Variants in SLC25A31 observed in about 807,000 individuals in gnomAD.
SLC25A31 encodes ADP/ATP translocase 4.
In SLC25A31, 40 loss-of-function variants were observed where a neutral mutation model predicts 36.2. The observed-to-expected ratio is 1.10, with a 90% CI of 0.86 to 1.44. The LOEUF (loss-of-function observed/expected upper bound fraction) is 1.44. Among genes scored for constraint, SLC25A31 ranks in the 40% most tolerant of loss-of-function variants. The pLI is 0.00. For missense variants in SLC25A31, 350 were observed against 397.1 expected (o/e 0.88, Z 1.01); for synonymous variants, 143 against 149.7 (o/e 0.96, Z 0.32).
Position 127,767,055 on chromosome 4 carries a change from C to T in SLC25A31, c.479-11C>T. ...AATGTTGCTAATAGATTTTAAATGG[C>T]TTTATTTTAGGTCCTGAGGAGCGAC... On this transcript the variant is annotated splice_polypyrimidine_tract_variant and intron_variant, in intron 3 of 5. Transcript: ENST00000281154. 1 of 1,600,052 alleles carries T rather than the reference C, an allele frequency of 6.2e-7. No homozygotes were observed. The highest frequency in any genetic ancestry group is 8.5e-7 in the Non-Finnish European group (1 of 1,174,310).
chr4:127,754,565 T>A (rs550958490), intron 2 of SLC25A31, among the ~76,000 whole-genome samples: 79 of 148,364 alleles, frequency 5.3e-4, no homozygotes, highest in Admixed American at 9.3e-4. Context: ...AAATGCTTAG[T>A]AAATTTAACC....
chr4:127,756,127 T>C (rs1348935443), intron 2 of SLC25A31, among the ~76,000 whole-genome samples: 1 of 152,182 alleles, frequency 6.6e-6, no homozygotes, highest in African/African-American at 2.4e-5. Context: ...TGAAGAGATA[T>C]CTGCACAATC....
At chr4:127,747,375 T>C (rs1434165352) in intron 2 of SLC25A31, among the ~76,000 whole-genome samples, 3 of 152,206 alleles carry the variant, frequency 2.0e-5, no homozygotes, top group South Asian at 4.1e-4. Flanking sequence ...TTTAATGATA[T>C]TAATTATTCC....
chr4:127,744,531 A>G, intron 1 of SLC25A31, 141 bp from the exon 2 acceptor site: 1 of 672,968 alleles, frequency 1.5e-6, no homozygotes, highest in East Asian at 3.1e-5. Flanking sequence ...TTTTCAATGG[A>G]GACACACATT....
chr4:127,740,991 C>T (rs890822952), intron 1 of SLC25A31, among the ~76,000 whole-genome samples: 1 of 152,082 alleles, frequency 6.6e-6, no homozygotes, highest in African/African-American at 2.4e-5. Flanking sequence ...TAAATTTATT[C>T]CTAATGTTTC....
At chr4:127,765,709 T>C (rs1732228180) in intron 3 of SLC25A31, among the ~76,000 whole-genome samples, 3 of 152,094 alleles carry the variant, frequency 2.0e-5, no homozygotes, top group Admixed American at 1.3e-4. Flanking sequence ...AAATATATTG[T>C]CACTTAATGA....
Position 127,773,620 on chromosome 4 carries a change from T to C in SLC25A31, c.*46T>C. On this transcript the variant is annotated 3_prime_UTR_variant, in exon 6 of 6. Transcript: ENST00000281154. ...ATACATGGATTTAACTTGTTAAACA[T>C]ACAAATTACATAGCTGCCATTTGCA... 7.1e-7 allele frequency: 1 copy of C among 1,416,968 alleles called. No individual in the cohort carries two copies. The highest frequency in any genetic ancestry group is 9.4e-7 in the Non-Finnish European group (1 of 1,058,942). 87.8% of individuals were successfully genotyped at this position (1,416,968 alleles called of 1,614,324 possible).
chr4:127,757,326 C>T (rs891927010), intron 2 of SLC25A31, among the ~76,000 whole-genome samples: 3 of 152,108 alleles, frequency 2.0e-5, no homozygotes, highest in Non-Finnish European at 4.4e-5. Flanking sequence ...CTATTGTTTC[C>T]ACCTTTATGT....
At chr4:127,738,343 C>T (rs1055287908) in intron 1 of SLC25A31, among the ~76,000 whole-genome samples, 3 of 152,200 alleles carry the variant, frequency 2.0e-5, no homozygotes, top group Admixed American at 1.3e-4. Context: ...CTGGCTCAGC[C>T]TCCCAAAGTG....
chr4:127,753,586 AT>A (rs1731976258), intron 2 of SLC25A31, among the ~76,000 whole-genome samples: 1 of 152,188 alleles, frequency 6.6e-6, no homozygotes, highest in Non-Finnish European at 1.5e-5. Flanking sequence ...CCTGGAAGAA[AT>A]GGATAAATTC....
At chr4:127,766,975 C>G in intron 3 of SLC25A31, 91 bp from the exon 4 acceptor site, 2 of 1,120,276 alleles carry the variant, frequency 1.8e-6, no homozygotes, top group Non-Finnish European at 2.4e-6. Context: ...GTGGGAATTT[C>G]AGATCATTTA....
chr4:127,756,337 C>T (rs1229083975), intron 2 of SLC25A31, among the ~76,000 whole-genome samples: 1 of 152,182 alleles, frequency 6.6e-6, no homozygotes, highest in Non-Finnish European at 1.5e-5. Flanking sequence ...AAGACAAATA[C>T]TGCTACTGAC....
At position 127,730,787 on chromosome 4, in the gene SLC25A31, G is replaced by A. The variant is rs781081242; in HGVS notation, c.232+10G>A. Reference sequence around the variant, plus strand: ...ATTCCTCGCGAGCAGGGTGCGTCAAGGCAGGCCGCCCCGACAGCCTCTCCC... The same window carrying A: ...ATTCCTCGCGAGCAGGGTGCGTCAAAGCAGGCCGCCCCGACAGCCTCTCCC... On this transcript the variant is annotated intron_variant, in intron 1 of 5. Transcript: ENST00000281154. 5 of 1,598,212 alleles carry A rather than the reference G, an allele frequency of 3.1e-6. No individual in the cohort carries two copies. In the Admixed American group the frequency reaches 8.4e-5, roughly 27 times the overall value.
Position 127,730,656 on chromosome 4 carries a change from G to T in SLC25A31, c.111G>T (p.Ala37=), listed in dbSNP as rs755398918. The change falls in exon 1 of 6, where the codon GCG becomes GCT. Residue 37 remains alanine (A), a synonymous_variant. Coordinates refer to ENST00000281154, the MANE Select transcript of SLC25A31 (RefSeq NM_031291.4). The stretch of plus-strand genomic sequence containing the variant: ...TCGCGGCAGCTGTGTCCAAGACAGC[G>T]GTGGCGCCCATCGAGCGGGTGAAGC... ...GGVAAAVSKT[A]VAPIERVKLL... is the part of the protein sequence containing the mutation. 2.5e-6 allele frequency: 4 copies of T among 1,613,906 alleles called. No individual in the cohort carries two copies. Among genetic ancestry groups the T allele is most frequent in the Non-Finnish European group, 1.7e-6 (2 of 1,179,952 alleles).
At chr4:127,764,589 T>C (rs866169001) in intron 3 of SLC25A31, among the ~76,000 whole-genome samples, 1 of 152,170 alleles carries the variant, frequency 6.6e-6, no homozygotes, top group Non-Finnish European at 1.5e-5. Context: ...TAAAAATTGC[T>C]TATAACTTAG....
chr4:127,749,582 A>G (rs920858904), intron 2 of SLC25A31, among the ~76,000 whole-genome samples: 6 of 151,992 alleles, frequency 3.9e-5, no homozygotes, highest in African/African-American at 1.5e-4. Context: ...TATCTCTACT[A>G]AAAATACAAA....
intron 1 of SLC25A31, among the ~76,000 whole-genome samples, chr4:127,736,375 G>GA (rs1229312605): frequency 1.3e-5 from 2 of 152,080 alleles, no homozygotes; most frequent in Non-Finnish European, 2.9e-5. Context: ...TTTTAATGGA[G>GA]AAAGAGGTCA....
chr4:127,730,937 A>G (rs542170982), intron 1 of SLC25A31, among the ~76,000 whole-genome samples, 160 bp downstream of exon 1: 1 of 152,170 alleles, frequency 6.6e-6, no homozygotes. Context: ...TAGTTTCTGA[A>G]CCTAACAGGC....
chr4:127,770,949 C>CTTTTTT (rs558206857), intron 5 of SLC25A31, among the ~76,000 whole-genome samples: 204 of 80,688 alleles, frequency 2.5e-3, no homozygotes, highest in Non-Finnish European at 3.0e-3. Context: ...TCTTCTTCTT[C>CTTTTTT]TTTTTTTTTT....
Sources: allele counts gnomAD v4.1 joint callset (sites outside exome capture counted in the v4.1 genomes callset), GRCh38; gene constraint gnomAD v4.1.1; transcripts MANE v1.5; gene names NCBI Gene and HGNC (gene_info 2026-07-23, HGNC 2026-07-21).